DIAPH3: variants seen among roughly 807,000 people sequenced by gnomAD.
DIAPH3 encodes protein diaphanous homolog 3.
A neutral mutation model predicts 144.3 loss-of-function variants in DIAPH3; 117 were observed. The ratio of observed to expected loss-of-function variants is 0.81; its 90% CI spans 0.70 to 0.95. The LOEUF is 0.95. Among genes scored for constraint, DIAPH3 ranks in the 40% least tolerant of loss-of-function variants. The probability of loss-of-function intolerance (pLI) is 0.00; values close to 1 mark genes in which losing one functional copy is unlikely to be tolerated. For missense variants in DIAPH3, 1,421 were observed against 1,412.7 expected (o/e 1.01, Z -0.09); for synonymous variants, 519 against 488.9 (o/e 1.06, Z -0.81).
At chr13:59,785,506 T>C (rs1047853515) in intron 25 of DIAPH3, among the ~76,000 whole-genome samples, 6 of 152,164 alleles carry the variant, frequency 3.9e-5, no homozygotes, top group African/African-American at 1.2e-4. Flanking sequence ...AGGATAATAA[T>C]AGTATTTATC....
intron 27 of DIAPH3, among the ~76,000 whole-genome samples, chr13:59,744,697 T>C (rs1313060242): frequency 6.6e-6 from 1 of 152,154 alleles, no homozygotes; most frequent in East Asian, 1.9e-4. Flanking sequence ...TATAACTTAT[T>C]ATCACAGCAC....
At chr13:60,140,577 C>A (rs149824296) in intron 1 of DIAPH3, among the ~76,000 whole-genome samples, 1 of 151,928 alleles carries the variant, frequency 6.6e-6, no homozygotes, top group African/African-American at 2.4e-5. Context: ...CATTAATATA[C>A]ATATATATGG....
At chr13:60,001,042 G>A (rs2052497629) in intron 9 of DIAPH3, among the ~76,000 whole-genome samples, 1 of 152,148 alleles carries the variant, frequency 6.6e-6, no homozygotes, top group South Asian at 2.1e-4. Context: ...CACTTGTATT[G>A]CAAGTAAAGA....
intron 27 of DIAPH3, among the ~76,000 whole-genome samples, chr13:59,670,955 C>T (rs2032341218): frequency 6.6e-6 from 1 of 152,136 alleles, no homozygotes; most frequent in Non-Finnish European, 1.5e-5. Context: ...CTCAGCGTCA[C>T]AAAGTGCTGG....
intron 4 of DIAPH3, among the ~76,000 whole-genome samples, chr13:60,053,937 CTTT>C (rs931711111): frequency 2.6e-5 from 4 of 152,060 alleles, no homozygotes; most frequent in African/African-American, 9.7e-5. Flanking sequence ...CAATGACCTT[CTTT>C]ATCTGCCTAA....
At chr13:59,767,087 G>A (rs1156267453) in intron 27 of DIAPH3, among the ~76,000 whole-genome samples, 5 of 152,094 alleles carry the variant, frequency 3.3e-5, no homozygotes, top group Non-Finnish European at 5.9e-5. Flanking sequence ...TGACCCAGAT[G>A]AGCCCTGCAC....
At chr13:59,953,235 T>C (rs2049193701) in intron 17 of DIAPH3, among the ~76,000 whole-genome samples, 1 of 152,150 alleles carries the variant, frequency 6.6e-6, no homozygotes, top group Non-Finnish European at 1.5e-5. Flanking sequence ...GGCAGGAGTA[T>C]ACCTGGCATA....
At chr13:60,087,021 C>T (rs1170700759) in intron 4 of DIAPH3, among the ~76,000 whole-genome samples, 1 of 152,144 alleles carries the variant, frequency 6.6e-6, no homozygotes. Context: ...CATTCACATC[C>T]TCCCATATAC....
chr13:60,092,762 G>C (rs2057991499), intron 4 of DIAPH3, among the ~76,000 whole-genome samples: 1 of 152,194 alleles, frequency 6.6e-6, no homozygotes, highest in Non-Finnish European at 1.5e-5. Flanking sequence ...AACATCACTT[G>C]TGTCTTTCTT....
intron 22 of DIAPH3, among the ~76,000 whole-genome samples, chr13:59,852,374 C>A (rs2043026119): frequency 6.6e-6 from 1 of 152,146 alleles, no homozygotes; most frequent in South Asian, 2.1e-4. Context: ...CTTCATAATT[C>A]TTGGCTGAAA....
chr13:59,879,469 C>T lies in DIAPH3; in HGVS notation c.2368-1G>A, dbSNP rs2044861481. 6.2e-7 allele frequency: 1 copy of T among 1,613,418 alleles called. No homozygotes were observed. Among genetic ancestry groups the T allele is most frequent in the African/African-American group, 1.3e-5 (1 of 74,866 alleles). On this transcript the variant is annotated splice_acceptor_variant, in intron 20 of 27. Transcript: ENST00000400324. LOFTEE classifies it high-confidence loss of function. ...GCCGTAGTCTCTTCACATTGCTCAT[C>T]TGATTGAAAAGAAAACAGCAGATTT...
chr13:59,832,084 A>G lies in DIAPH3; in HGVS notation c.3027+1023T>C, dbSNP rs963366718. ...CCATATTGCTTTACAAAACATTACA[A>G]AATTTAAAATAATATATTGCAAAGT... On this transcript the variant is annotated intron_variant, in intron 24 of 27. Transcript: ENST00000400324. Among the ~76,000 whole-genome samples the G allele has an allele frequency of 9.2e-5, 14 of 151,936 alleles. 1 individual carries two copies. The highest frequency in any genetic ancestry group is 3.3e-4 in the Admixed American group (5 of 15,192).
chr13:59,864,268 C>A (rs888948289), intron 21 of DIAPH3, among the ~76,000 whole-genome samples: 53 of 152,144 alleles, frequency 3.5e-4, no homozygotes, highest in African/African-American at 1.3e-3. Context: ...CTTTTACAAA[C>A]AGTTTTCTCT....
Position 59,991,269 on chromosome 13 carries a change from G to T in DIAPH3, c.1250C>A (p.Ala417Glu), listed in dbSNP as rs768967860. 2 of 1,587,596 alleles carry T rather than the reference G, an allele frequency of 1.3e-6. No individual in the cohort carries two copies. The highest frequency in any genetic ancestry group is 3.3e-5 in the Admixed American group (2 of 59,782). The change falls in exon 12 of 28, where the codon GCA becomes GAA. Residue 417 changes from alanine (A) to glutamate (E), a missense_variant. Physicochemically the swap from Ala to Glu is moderately radical, Grantham distance 107 (BLOSUM62 -1). Transcript: ENST00000400324. Reference sequence around the variant, plus strand: ...CCACACCATGTTGTAAACATCATATGCTTCAGTGAGTTGATTAAGGAATAT... The same window carrying T: ...CCACACCATGTTGTAAACATCATATTCTTCAGTGAGTTGATTAAGGAATAT... Reference protein sequence around the residue: ...LEDIRAELDEAYDVYNMVWST... With the variant: ...LEDIRAELDEEYDVYNMVWST...
intron 21 of DIAPH3, among the ~76,000 whole-genome samples, chr13:59,869,987 A>T: frequency 6.6e-6 from 1 of 152,170 alleles, no homozygotes; most frequent in African/African-American, 2.4e-5. Flanking sequence ...AATAAAGTTC[A>T]ATTTATCAAT....
In DIAPH3 at chr13:59,919,277, A is replaced by T. The variant is rs1032861192; in HGVS notation, c.2171-3028T>A. ...AAAAAGTAATAGCAGAAAACTTTCC[A>T]AACCTGCAAAAAGATATAAATATCC... is the stretch of plus-strand genomic sequence containing the variant. On this transcript the variant is annotated intron_variant, in intron 18 of 27. Coordinates refer to ENST00000400324, the MANE Select transcript of DIAPH3 (RefSeq NM_001042517.2). Among the ~76,000 whole-genome samples the T allele has an allele frequency of 4.6e-5, 7 of 152,300 alleles. 1 individual carries two copies. The highest frequency in any genetic ancestry group is 3.9e-4 in the Admixed American group (6 of 15,292).
chr13:59,776,397 T>C (rs1179524681), intron 25 of DIAPH3, among the ~76,000 whole-genome samples: 1 of 152,152 alleles, frequency 6.6e-6, no homozygotes, highest in Non-Finnish European at 1.5e-5. Flanking sequence ...ATACATTAAA[T>C]ATTTCAGACA....
intron 20 of DIAPH3, among the ~76,000 whole-genome samples, chr13:59,899,870 A>G (rs1397592693): frequency 2.5e-5 from 3 of 119,574 alleles, no homozygotes; most frequent in Non-Finnish European, 5.6e-5. Context: ...GAAATTTCAA[A>G]CTTTTTGAGA....
intron 4 of DIAPH3, among the ~76,000 whole-genome samples, chr13:60,057,910 A>G (rs893191013): frequency 1.3e-5 from 2 of 151,932 alleles, no homozygotes; most frequent in African/African-American, 4.8e-5. Flanking sequence ...TAGACTAAAG[A>G]ATTAATCTAA....
Sources: allele counts gnomAD v4.1 joint callset (sites outside exome capture counted in the v4.1 genomes callset), GRCh38; gene constraint gnomAD v4.1.1; transcripts MANE v1.5; gene names NCBI Gene and HGNC (gene_info 2026-07-23, HGNC 2026-07-21).